SETD2: variants seen among roughly 807,000 people sequenced by gnomAD.
SETD2 encodes SET domain containing 2, histone lysine methyltransferase, also known as histone-lysine N-methyltransferase SETD2.
In SETD2, 31 loss-of-function variants were observed where a neutral mutation model predicts 242.1. That is an observed-to-expected ratio of 0.13 (90% CI 0.10 to 0.17). The LOEUF (loss-of-function observed/expected upper bound fraction) is 0.17, where lower values mean the gene tolerates loss of function less well. SETD2 is among the 10% of genes least tolerant of loss of function. SETD2 has a pLI of 1.00. For synonymous variants in SETD2, 1,006 were observed against 1,066.5 expected, an observed-to-expected ratio of 0.94 and a Z score of 1.11; for missense variants, 2,481 against 3,046.3, an observed-to-expected ratio of 0.81 and a Z score of 4.37.
At chr3:47,028,394 T>C (rs1001701072) in intron 18 of SETD2, among the ~76,000 whole-genome samples, 7 of 152,196 alleles carry the variant, frequency 4.6e-5, no homozygotes, top group South Asian at 2.1e-4. Flanking sequence ...CTGGGAAACA[T>C]GTGAGCTTCC....
At chr3:47,139,255 G>A (rs2043667884) in intron 1 of SETD2, among the ~76,000 whole-genome samples, 1 of 152,064 alleles carries the variant, frequency 6.6e-6, no homozygotes, top group Non-Finnish European at 1.5e-5. Context: ...TCCACTCAGG[G>A]ACCACTAAAG....
At chr3:47,140,274 C>G (rs186272986) in intron 1 of SETD2, among the ~76,000 whole-genome samples, 3 of 152,268 alleles carry the variant, frequency 2.0e-5, no homozygotes, top group African/African-American at 7.2e-5. Context: ...GAATACCTAC[C>G]TAAAGTGAAT....
intron 3 of SETD2, among the ~76,000 whole-genome samples, chr3:47,119,102 T>C (rs1023196198): frequency 2.0e-5 from 3 of 152,094 alleles, no homozygotes; most frequent in South Asian, 4.1e-4. Flanking sequence ...AATGGCTAGG[T>C]TGATTCTCAA....
intron 3 of SETD2, among the ~76,000 whole-genome samples, chr3:47,117,025 T>C (rs1022429664): frequency 1.3e-5 from 2 of 151,892 alleles, no homozygotes; most frequent in African/African-American, 4.8e-5. Flanking sequence ...TTGTTGTTGT[T>C]TGTTTGTTCT....
At chr3:47,045,519 T>TAAAAA in intron 16 of SETD2, among the ~76,000 whole-genome samples, 1 of 100,986 alleles carries the variant, frequency 9.9e-6, no homozygotes, top group Admixed American at 1.1e-4. Context: ...CTCCATCTCT[T>TAAAAA]AAAAAAAAAA....
At chr3:47,074,469 G>T (rs1356723036) in intron 12 of SETD2, among the ~76,000 whole-genome samples, 1 of 152,160 alleles carries the variant, frequency 6.6e-6, no homozygotes, top group African/African-American at 2.4e-5. Flanking sequence ...TGTGCATTAT[G>T]GGTGTATTCT....
At chr3:47,055,389 G>T (rs905820494) in intron 15 of SETD2, among the ~76,000 whole-genome samples, 3 of 152,124 alleles carry the variant, frequency 2.0e-5, no homozygotes, top group African/African-American at 7.2e-5. Context: ...ATAATGCTTT[G>T]AACATTTTTT....
At chr3:47,066,709 A>C (rs912864993) in intron 13 of SETD2, among the ~76,000 whole-genome samples, 4 of 152,004 alleles carry the variant, frequency 2.6e-5, no homozygotes, top group Non-Finnish European at 5.9e-5. Flanking sequence ...AGGTTTAAGA[A>C]TGTCTGCTCT....
chr3:47,033,342 T>G (rs970959606), intron 18 of SETD2, among the ~76,000 whole-genome samples: 7 of 152,222 alleles, frequency 4.6e-5, no homozygotes, highest in South Asian at 2.1e-4. Flanking sequence ...CTGGTTGAGT[T>G]TCTTCTATGC....
At chr3:47,095,508 T>C (rs1184458323) in intron 9 of SETD2, among the ~76,000 whole-genome samples, 1 of 152,150 alleles carries the variant, frequency 6.6e-6, no homozygotes, top group Non-Finnish European at 1.5e-5. Context: ...TGGTAAACCA[T>C]GAATTATATG....
rs2107539196 is a variant in SETD2, at chr3:47,042,561, C to T, written c.7238G>A (p.Arg2413Lys). Residue 2413 changes from arginine (R) to lysine (K), a missense_variant and splice_region_variant, in exon 17 of 21, where the codon AGG becomes AAG. Around this residue, in one of 17 missense-constraint regions of SETD2, gnomAD observed 235 missense variants for 293.9 expected, o/e 0.80. Transcript: ENST00000409792. ...GGAACGCCCATACAGCTCCTCTTAC[C>T]TTGTGATCACATGGTAGTAATAAAT... ...GKIYYYHVIT[R>K]QTQWDPPTWE... 6.2e-7 allele frequency: 1 copy of T among 1,614,030 alleles called. No individual in the cohort carries two copies. Among genetic ancestry groups the T allele is most frequent in the Non-Finnish European group, 8.5e-7 (1 of 1,179,972 alleles).
chr3:47,152,852 T>C (rs2044024544), intron 1 of SETD2, among the ~76,000 whole-genome samples: 1 of 152,218 alleles, frequency 6.6e-6, no homozygotes, highest in East Asian at 1.9e-4. Flanking sequence ...TGCAGTCTTA[T>C]CAACACCCAC....
intron 13 of SETD2, among the ~76,000 whole-genome samples, chr3:47,064,781 AT>A (rs899677024): frequency 6.8e-6 from 1 of 147,760 alleles, no homozygotes; most frequent in African/African-American, 2.4e-5. Flanking sequence ...TATATATAAA[AT>A]ATATAAAATA....
At chr3:47,079,712 T>G (rs191963673) in intron 12 of SETD2, among the ~76,000 whole-genome samples, 12 of 152,306 alleles carry the variant, frequency 7.9e-5, no homozygotes, top group Non-Finnish European at 5.9e-5. Flanking sequence ...CAGCCACAGA[T>G]GATAGTACAT....
chr3:47,023,363 G>GC (rs1405412663), intron 18 of SETD2, among the ~76,000 whole-genome samples: 2 of 152,078 alleles, frequency 1.3e-5, no homozygotes, highest in East Asian at 3.9e-4. Flanking sequence ...TCGTGCCACT[G>GC]CACTGCAGCC....
intron 16 of SETD2, among the ~76,000 whole-genome samples, chr3:47,046,143 G>A (rs959231076): frequency 6.6e-6 from 1 of 151,344 alleles, no homozygotes; most frequent in African/African-American, 2.4e-5. Flanking sequence ...GTCAAGACGA[G>A]CCTGGTCAAC....
At chr3:47,137,618 C>T (rs1177892594) in intron 1 of SETD2, among the ~76,000 whole-genome samples, 2 of 152,162 alleles carry the variant, frequency 1.3e-5, no homozygotes, top group Admixed American at 1.3e-4. Context: ...ATCTTGTTTA[C>T]AGCTGCATTT....
chr3:47,133,476 G>A (rs779928678), intron 1 of SETD2, among the ~76,000 whole-genome samples: 10 of 152,058 alleles, frequency 6.6e-5, no homozygotes, highest in African/African-American at 1.2e-4. Flanking sequence ...TGGGCCAGGC[G>A]TGGTGGTTCA....
chr3:47,097,927 G>C (rs768338728), intron 9 of SETD2, 28 bp downstream of exon 9: 1 of 1,607,596 alleles, frequency 6.2e-7, no homozygotes. Context: ...TTTTTATTGT[G>C]AAAGTTGAAA....
Sources: allele counts gnomAD v4.1 joint callset (sites outside exome capture counted in the v4.1 genomes callset), GRCh38; gene constraint gnomAD v4.1.1; regional missense constraint gnomAD v4.1.1; transcripts MANE v1.5; gene names NCBI Gene and HGNC (gene_info 2026-07-23, HGNC 2026-07-21).